ASPSCR1: variants seen among roughly 807,000 people sequenced by gnomAD.
The protein encoded by ASPSCR1 is ASPSCR1 tether for SLC2A4, UBX domain containing.
ASPSCR1 carries 55 observed loss-of-function variants against 68.9 expected under a neutral mutation model. That is an observed-to-expected ratio of 0.80 (90% confidence interval 0.64 to 1.00). The LOEUF (loss-of-function observed/expected upper bound fraction) is 1.00, where lower values mean the gene tolerates loss of function less well. Ranked by LOEUF, ASPSCR1 falls within the 50% of genes least tolerant of loss-of-function variation. ASPSCR1 has a pLI of 0.00. For missense variants in ASPSCR1, 765 were observed against 762.2 expected (o/e 1.00, Z -0.04); for synonymous variants, 352 against 332.6 (o/e 1.06, Z -0.63).
At chr17:81,997,183 G>T (rs1054791006) in intron 7 of ASPSCR1, among the ~76,000 whole-genome samples, 1 of 100,676 alleles carries the variant, frequency 9.9e-6, no homozygotes, top group Non-Finnish European at 2.0e-5. Context: ...TGTCAGCTCC[G>T]TGTTGGCTCC....
Position 81,995,973 on chromosome 17 carries a change from C to T in ASPSCR1, c.433-19C>T. The T allele has an allele frequency of 6.2e-7, 1 of 1,606,088 alleles. No individual in the cohort carries two copies. Among genetic ancestry groups the T allele is most frequent in the South Asian group, 1.1e-5 (1 of 89,608 alleles). ...GGTCCCGGTGCAAGGCGCACCTGTC[C>T]TGGCTGCTCCTCCTGCAGGTGACGG... On this transcript the variant is annotated intron_variant, in intron 5 of 15. Coordinates refer to ENST00000306739, the MANE Select transcript of ASPSCR1 (RefSeq NM_024083.4).
rs889628130 is a variant in ASPSCR1, at chr17:81,991,540, G to A, written c.375-3281G>A. ...CTGCTGGGCCAGCTCAGAGCTCTGC[G>A]GCCCGTCCCTGTCCATCCCTGCCCG... On this transcript the variant is annotated intron_variant, in intron 4 of 15. Transcript: ENST00000306739. Among the ~76,000 whole-genome samples the A allele has an allele frequency of 5.3e-5, 8 of 152,106 alleles. No individual in the cohort carries two copies. In the South Asian group the frequency reaches 1.0e-3, roughly 20 times the overall value.
intron 7 of ASPSCR1, chr17:82,004,754 ACT>A (rs1424533145): frequency 1.3e-5 from 2 of 152,042 alleles, no homozygotes; most frequent in East Asian, 3.9e-4. Flanking sequence ...GAGACCTCTG[ACT>A]CTGCCCAGCA....
Position 82,017,395 on chromosome 17 carries a change from T to G in ASPSCR1, c.*73T>G. ...CTCTGCCAGCAGGAATAAAGACTTG[T>G]GCATCCCTCAACGCCTTCCTGTCAT... On this transcript the variant is annotated 3_prime_UTR_variant, in exon 16 of 16. Coordinates refer to ENST00000306739, the MANE Select transcript of ASPSCR1 (RefSeq NM_024083.4). 2.5e-6 allele frequency: 4 copies of G among 1,604,578 alleles called. No individual in the cohort carries two copies. The highest frequency in any genetic ancestry group is 1.1e-5 in the South Asian group (1 of 90,948).
rs1403975733 is a variant in ASPSCR1, at chr17:81,987,637, A to T, written c.374+2030A>T. 6.6e-6 allele frequency among the ~76,000 whole-genome samples: 1 copy of T among 152,164 alleles called. No homozygotes were observed. The highest frequency in any genetic ancestry group is 2.1e-4 in the South Asian group (1 of 4,826). On this transcript the variant is annotated intron_variant, in intron 4 of 15. Transcript: ENST00000306739. This position sits in a 1 kb window ranked among gnomAD's most constrained non-coding sequence, Gnocchi z 5.6. ...GAGGTGGGGCCGGCATTGTGGTAGC[A>T]TAAGCCTCTTCAACAGACTTTGTAA...
intron 7 of ASPSCR1, among the ~76,000 whole-genome samples, chr17:82,001,060 C>T (rs2042513502): frequency 1.3e-5 from 2 of 152,204 alleles, no homozygotes; most frequent in Non-Finnish European, 2.9e-5. Flanking sequence ...TCCTCAGCAC[C>T]CCTGCTCACA....
chr17:81,989,306 A>G (rs1053533802), intron 4 of ASPSCR1, among the ~76,000 whole-genome samples: 8 of 152,366 alleles, frequency 5.3e-5, no homozygotes, highest in Admixed American at 6.5e-5. Context: ...ACGAGGTTTC[A>G]TAGTGGGTGG....
chr17:81,982,328 C>T (rs1005531778), intron 2 of ASPSCR1, among the ~76,000 whole-genome samples: 16 of 152,242 alleles, frequency 1.1e-4, no homozygotes, highest in Non-Finnish European at 7.3e-5. Flanking sequence ...TGGTGGGAAC[C>T]AGTGAGTGCG....
chr17:81,989,606 A>C (rs2042097428), intron 4 of ASPSCR1, among the ~76,000 whole-genome samples: 1 of 152,198 alleles, frequency 6.6e-6, no homozygotes, highest in Admixed American at 6.5e-5. Flanking sequence ...TAGCGTGCCC[A>C]GGAGTTGCCC....
chr17:82,002,880 CT>C (rs367845443), intron 7 of ASPSCR1, among the ~76,000 whole-genome samples: 2,373 of 143,254 alleles, frequency 0.017, 48 homozygotes, highest in African/African-American at 0.055. Context: ...TTTAAAATAA[CT>C]TTTTTTTTTT....
chr17:82,012,413 C>A, intron 12 of ASPSCR1, 130 bp downstream of exon 12: 2 of 1,111,114 alleles, frequency 1.8e-6, no homozygotes, highest in Non-Finnish European at 2.6e-6. Flanking sequence ...CCTTTGAGAG[C>A]CGGTGGGTTC....
At chr17:82,002,488 C>G (rs1179924390) in intron 7 of ASPSCR1, among the ~76,000 whole-genome samples, 2 of 152,062 alleles carry the variant, frequency 1.3e-5, no homozygotes, top group African/African-American at 4.8e-5. Flanking sequence ...CTCCTGACCT[C>G]AGGTGATCCA....
intron 7 of ASPSCR1, among the ~76,000 whole-genome samples, chr17:82,002,239 T>A (rs2042562592): frequency 6.6e-6 from 1 of 151,990 alleles, no homozygotes; most frequent in South Asian, 2.1e-4. Context: ...TATATTTTCA[T>A]CTTTTCATTT....
At position 81,994,986 on chromosome 17, in the gene ASPSCR1, G is replaced by A. The variant is rs1050934341; in HGVS notation, c.432+108G>A. On this transcript the variant is annotated intron_variant, in intron 5 of 15. Coordinates refer to ENST00000306739, the MANE Select transcript of ASPSCR1 (RefSeq NM_024083.4). ...TCTCCAGGGCAGTGGCGGGAGACTC[G>A]GGCTCTTGAAAGCACGACGTGTTTC... The A allele has an allele frequency of 6.4e-6, 8 of 1,247,416 alleles. No individual in the cohort carries two copies. In the South Asian group the frequency reaches 7.2e-5, roughly 11 times the overall value. 77.3% of individuals were successfully genotyped at this position (1,247,416 alleles called of 1,614,324 possible). A position where few individuals can be genotyped will look rare whatever the true frequency, so the allele number is the denominator to read the frequency against.
intron 1 of ASPSCR1, 126 bp from the exon 2 acceptor site, chr17:81,979,058 G>C (rs1323784662): frequency 2.2e-6 from 2 of 930,150 alleles, no homozygotes; most frequent in East Asian, 4.8e-5. Flanking sequence ...GTGGTCTTGT[G>C]CTTGGCTTTG....
intron 7 of ASPSCR1, among the ~76,000 whole-genome samples, chr17:82,000,411 C>G (rs1225719807): frequency 6.6e-6 from 1 of 152,166 alleles, no homozygotes; most frequent in Non-Finnish European, 1.5e-5. Flanking sequence ...ACTTGGGCAG[C>G]TGATTGATGG....
At chr17:81,984,632 G>A (rs1166309666) in intron 3 of ASPSCR1, among the ~76,000 whole-genome samples, 1 of 151,938 alleles carries the variant, frequency 6.6e-6, no homozygotes, top group Non-Finnish European at 1.5e-5. Flanking sequence ...GCTTCTGAGG[G>A]TCAGGAATCT....
intron 13 of ASPSCR1, 32 bp downstream of exon 13, chr17:82,016,559 G>C (rs2060267864): frequency 1.9e-6 from 3 of 1,549,174 alleles, no homozygotes; most frequent in Non-Finnish European, 1.7e-6. Context: ...CAGTGTCGGA[G>C]TCCAGCCAGC....
rs771264158 is a variant in ASPSCR1 at position 82,016,957 on chromosome 17, G to T, written c.1492G>T (p.Ala498Ser). The T allele has an allele frequency of 6.2e-7, 1 of 1,611,592 alleles. No individual in the cohort carries two copies. Among genetic ancestry groups the T allele is most frequent in the East Asian group, 2.2e-5 (1 of 44,824 alleles). The change falls in exon 15 of 16, where the codon GCC becomes TCC. Residue 498 changes from alanine to serine, a missense_variant. Transcript: ENST00000306739. ...VLVARYMSRA[A>S]GSPSPLPAPD... ...TCCCCACAGGTACATGTCCAGGGCC[G>T]CCGGGTCCCCTTCCCCATTGCCAGC...
Sources: allele counts gnomAD v4.1 joint callset (sites outside exome capture counted in the v4.1 genomes callset), GRCh38; gene constraint gnomAD v4.1.1; non-coding constraint Gnocchi (gnomAD v3.1); transcripts MANE v1.5; gene names NCBI Gene and HGNC (gene_info 2026-07-23, HGNC 2026-07-21).